TMEM132D: variants seen among roughly 807,000 people sequenced by gnomAD.
The protein encoded by TMEM132D is mature OL transmembrane protein.
TMEM132D carries 21 observed loss-of-function variants against 62.3 expected under a neutral mutation model. The ratio of observed to expected loss-of-function variants is 0.34; its 90% confidence interval spans 0.24 to 0.49. The LOEUF is 0.49. TMEM132D is among the 20% of genes least tolerant of loss of function. TMEM132D has a pLI of 0.99. For missense variants in TMEM132D, 1,346 were observed against 1,402.8 expected (o/e 0.96, Z 0.65); for synonymous variants, 621 against 575.6 (o/e 1.08, Z -1.13).
intron 2 of TMEM132D, among the ~76,000 whole-genome samples, chr12:129,627,535 T>C (rs368553841): frequency 1.3e-5 from 2 of 152,110 alleles, no homozygotes; most frequent in Admixed American, 1.3e-4. Flanking sequence ...AAGTATCCCA[T>C]AAAGCTGCTG....
chr12:129,450,192 G>A (rs754540329), intron 3 of TMEM132D, among the ~76,000 whole-genome samples: 9 of 152,124 alleles, frequency 5.9e-5, no homozygotes, highest in Non-Finnish European at 1.3e-4. Flanking sequence ...TCTTTTGGCT[G>A]TGCAGAAGCT....
At chr12:129,276,828 A>G (rs1041997935) in intron 4 of TMEM132D, among the ~76,000 whole-genome samples, 4 of 152,228 alleles carry the variant, frequency 2.6e-5, no homozygotes. Context: ...AATTAATGAC[A>G]AGGCCAAACG....
chr12:129,673,989 A>G (rs1026587598), intron 2 of TMEM132D, among the ~76,000 whole-genome samples: 1 of 152,214 alleles, frequency 6.6e-6, no homozygotes, highest in African/African-American at 2.4e-5. Flanking sequence ...CTCAGCACAC[A>G]GAGAAAACCC....
At chr12:129,695,722 A>G (rs757991364) in intron 2 of TMEM132D, among the ~76,000 whole-genome samples, 6 of 152,230 alleles carry the variant, frequency 3.9e-5, no homozygotes, top group Non-Finnish European at 8.8e-5. Flanking sequence ...GCTAGTAGAC[A>G]GGTGATTCAG....
At chr12:129,252,828 T>C (rs1880303690) in intron 4 of TMEM132D, among the ~76,000 whole-genome samples, 2 of 152,024 alleles carry the variant, frequency 1.3e-5, no homozygotes, top group South Asian at 2.1e-4. Flanking sequence ...TAAGAAAATG[T>C]GGCACATATA....
At chr12:129,606,235 ACT>A (rs1253689207) in intron 2 of TMEM132D, among the ~76,000 whole-genome samples, 5 of 151,428 alleles carry the variant, frequency 3.3e-5, no homozygotes, top group Non-Finnish European at 7.4e-5. Context: ...GTTTCCATCC[ACT>A]CTAGTTCAGA....
intron 1 of TMEM132D, among the ~76,000 whole-genome samples, chr12:129,804,540 T>A (rs1189775251): frequency 6.6e-6 from 1 of 151,164 alleles, no homozygotes; most frequent in Non-Finnish European, 1.5e-5. Flanking sequence ...GGGATGTATT[T>A]CAACATAATA....
chr12:129,749,610 C>T (rs988937189), intron 1 of TMEM132D, among the ~76,000 whole-genome samples: 4 of 139,416 alleles, frequency 2.9e-5, no homozygotes, highest in Non-Finnish European at 4.7e-5. Context: ...GTATGAGCCA[C>T]CATGCCCCAC....
intron 2 of TMEM132D, among the ~76,000 whole-genome samples, chr12:129,573,528 A>T (rs1042181588): frequency 6.6e-6 from 1 of 152,124 alleles, no homozygotes; most frequent in Non-Finnish European, 1.5e-5. Flanking sequence ...TTGCCCTTAG[A>T]TCATTAGATC....
At chr12:129,289,547 T>TTAA (rs1555244915) in intron 4 of TMEM132D, among the ~76,000 whole-genome samples, 2 of 92,200 alleles carry the variant, frequency 2.2e-5, no homozygotes, top group African/African-American at 7.6e-5. Flanking sequence ...TCCATCTCAA[T>TTAA]AAAAAAAAAA....
intron 4 of TMEM132D, among the ~76,000 whole-genome samples, chr12:129,311,360 T>C (rs1044858403): frequency 1.3e-5 from 2 of 152,120 alleles, no homozygotes; most frequent in Non-Finnish European, 2.9e-5. Context: ...TAGTAGCACA[T>C]GGTATGCTTC....
At chr12:129,778,770 G>A (rs1871028354) in intron 1 of TMEM132D, among the ~76,000 whole-genome samples, 1 of 152,084 alleles carries the variant, frequency 6.6e-6, no homozygotes, top group Non-Finnish European at 1.5e-5. Context: ...TAATACTGTG[G>A]TGCTTAAACT....
chr12:129,220,131 G>A (rs941882359), intron 4 of TMEM132D, among the ~76,000 whole-genome samples: 14 of 152,064 alleles, frequency 9.2e-5, no homozygotes, highest in Non-Finnish European at 1.5e-4. Flanking sequence ...TCTTTCAAGC[G>A]GAAAAGGATT....
At chr12:129,457,445 TAGGG>T (rs1187307367) in intron 3 of TMEM132D, among the ~76,000 whole-genome samples, 1 of 97,602 alleles carries the variant, frequency 1.0e-5, no homozygotes, top group Non-Finnish European at 2.1e-5. Flanking sequence ...TGTTGTGGGG[TAGGG>T]GGGAGGGGAG....
At chr12:129,556,754 C>T (rs1877071321) in intron 2 of TMEM132D, among the ~76,000 whole-genome samples, 1 of 152,130 alleles carries the variant, frequency 6.6e-6, no homozygotes, top group South Asian at 2.1e-4. Flanking sequence ...GAAGTAAATT[C>T]AGCTCCTCAG....
chr12:129,648,972 A>T (rs1346599490), intron 2 of TMEM132D, among the ~76,000 whole-genome samples: 1 of 152,182 alleles, frequency 6.6e-6, no homozygotes, highest in Non-Finnish European at 1.5e-5. Flanking sequence ...TCAGAGTTCC[A>T]ACTGACTCCG....
intron 2 of TMEM132D, among the ~76,000 whole-genome samples, chr12:129,663,092 C>A (rs1243591205): frequency 6.6e-6 from 1 of 151,510 alleles, no homozygotes; most frequent in African/African-American, 2.4e-5. Context: ...CCGTTCCAGG[C>A]AGAAGAAAGG....
intron 4 of TMEM132D, among the ~76,000 whole-genome samples, chr12:129,227,924 G>T: frequency 6.6e-6 from 1 of 152,168 alleles, no homozygotes; most frequent in East Asian, 1.9e-4. Context: ...CAAATGACTT[G>T]AACTCATCTT....
At chr12:129,387,968 G>T (rs183805068) in intron 3 of TMEM132D, among the ~76,000 whole-genome samples, 15 of 54,422 alleles carry the variant, frequency 2.8e-4, no homozygotes, top group Non-Finnish European at 3.2e-4. Flanking sequence ...ACAATAATAT[G>T]AACACTAACA....
Sources: allele counts gnomAD v4.1 joint callset (sites outside exome capture counted in the v4.1 genomes callset), GRCh38; gene constraint gnomAD v4.1.1; transcripts MANE v1.5; gene names NCBI Gene and HGNC (gene_info 2026-07-23, HGNC 2026-07-21).